Variants in POU2F2 observed in about 807,000 individuals in gnomAD.
POU2F2 encodes the protein POU domain, class 2, transcription factor 2.
In POU2F2, 14 loss-of-function variants were observed where a neutral mutation model predicts 63.5. The observed-to-expected ratio is 0.22, with a 90% CI of 0.15 to 0.34. The LOEUF (loss-of-function observed/expected upper bound fraction) is 0.34. Among genes scored for constraint, POU2F2 ranks in the 10% least tolerant of loss-of-function variants. The probability of loss-of-function intolerance (pLI) is 1.00; values close to 1 mark genes in which losing one functional copy is unlikely to be tolerated. For synonymous variants in POU2F2, 306 were observed against 348.6 expected, an observed-to-expected ratio of 0.88 and a Z score of 1.36; for missense variants, 607 against 815.2, an observed-to-expected ratio of 0.74 and a Z score of 3.11.
rs748380757 is a variant in POU2F2 at position 42,095,336 on chromosome 19, C to A, written c.1147G>T (p.Ala383Ser). 6 of 1,613,980 alleles carry A rather than the reference C, an allele frequency of 3.7e-6. No individual in the cohort carries two copies. In the South Asian group the frequency reaches 5.5e-5, roughly 15 times the overall value. The change falls in exon 11 of 15, where the codon GCC becomes TCC. Residue 383 changes from alanine to serine, a missense_variant. By Grantham distance (99) the Ala-to-Ser change is moderately conservative. Around this residue, in one of 7 missense-constraint regions of POU2F2, gnomAD observed 12 missense variants for 18.4 expected, o/e 0.65. Coordinates refer to ENST00000692977, the MANE Select transcript of POU2F2 (RefSeq NM_001394376.1). This position sits in a 1 kb window ranked among gnomAD's most constrained non-coding sequence, Gnocchi z 7.1. ...TTCCCTGGGCTGGGCAGCATGGGGG[C>A]CGCACTGCAGGGGTTGATGCGTTTC... ...KEKRINPCSAAPMLPSPGKPA... is the reference protein window; with the variant it reads ...KEKRINPCSASPMLPSPGKPA...
chr19:42,186,295 A>G (rs1194948083), intron 1 of POU2F2, among the ~76,000 whole-genome samples: 1 of 152,142 alleles, frequency 6.6e-6, no homozygotes. Context: ...ACGGCACTCC[A>G]GCCAGGCTAC....
intron 7 of POU2F2, among the ~76,000 whole-genome samples, chr19:42,098,492 C>T (rs1461366851): frequency 6.6e-6 from 1 of 152,004 alleles, no homozygotes; most frequent in African/African-American, 2.4e-5. Flanking sequence ...CCCCCACCCC[C>T]ACTAGGGTCA....
intron 2 of POU2F2, among the ~76,000 whole-genome samples, chr19:42,141,503 A>C (rs2034126885): frequency 7.4e-6 from 1 of 134,592 alleles, no homozygotes; most frequent in Non-Finnish European, 1.6e-5. Flanking sequence ...TTTTTTGAGA[A>C]GGAGTCTTGC....
chr19:42,134,487 G>C (rs1368833259), upstream of POU2F2: 1 of 152,464 alleles, frequency 6.6e-6, no homozygotes, highest in Admixed American at 6.5e-5. Flanking sequence ...GCTGGGCCTG[G>C]TGAGGGGATC....
At chr19:42,158,084 C>G (rs2034490281) in intron 2 of POU2F2, among the ~76,000 whole-genome samples, 1 of 152,184 alleles carries the variant, frequency 6.6e-6, no homozygotes, top group South Asian at 2.1e-4. Context: ...TGTTTCGTAA[C>G]AAAACTATAC....
At chr19:42,150,832 G>A (rs567930427) in intron 2 of POU2F2, among the ~76,000 whole-genome samples, 1 of 151,850 alleles carries the variant, frequency 6.6e-6, no homozygotes, top group Admixed American at 6.5e-5. Flanking sequence ...CATCTGCCTG[G>A]GCCAGGCCCC....
At chr19:42,185,058 C>T (rs1463342392) in intron 1 of POU2F2, among the ~76,000 whole-genome samples, 1 of 152,162 alleles carries the variant, frequency 6.6e-6, no homozygotes, top group East Asian at 1.9e-4. Flanking sequence ...TGACACCTTC[C>T]TCTTCCTCAT....
upstream of POU2F2, among the ~76,000 whole-genome samples, chr19:42,197,611 C>T (rs1028095277): frequency 1.3e-5 from 2 of 152,092 alleles, no homozygotes; most frequent in South Asian, 2.1e-4. Context: ...GTAAGAGAAA[C>T]GAGTTCCTGA....
intron 1 of POU2F2, among the ~76,000 whole-genome samples, chr19:42,195,088 AG>A (rs1318265219): frequency 0.022 from 101 of 4,616 alleles, no homozygotes; most frequent in African/African-American, 0.05. Context: ...GGAGGGAGGA[AG>A]GGAGGAAGGA....
chr19:42,093,955 T>C, intron 11 of POU2F2, 60 bp from the exon 12 acceptor site: 1 of 1,469,954 alleles, frequency 6.8e-7, no homozygotes, highest in Non-Finnish European at 9.5e-7. Context: ...CCCGTGATGC[T>C]CCCTGTAGGA....
In POU2F2 at chr19:42,087,336, A is replaced by G. The variant is rs1262533019; in HGVS notation, c.*3921T>C. 6.6e-6 allele frequency: 1 copy of G among 151,984 alleles called. No individual in the cohort carries two copies. Among genetic ancestry groups the G allele is most frequent in the African/African-American group, 2.4e-5 (1 of 41,346 alleles). 9.4% of individuals were successfully genotyped at this position (151,984 alleles called of 1,614,324 possible). On this transcript the variant is annotated 3_prime_UTR_variant, in exon 15 of 15. Coordinates refer to ENST00000692977, the MANE Select transcript of POU2F2 (RefSeq NM_001394376.1). ...GGAAGAGAGAGGCACCCTGGTGTTC[A>G]TGTGGGTTAGAAAAACTAGTCAGGT...
In POU2F2 at chr19:42,117,509, ATGAGGG is replaced by A. The variant is rs2032078519; in HGVS notation, c.187-83_187-78del. On this transcript the variant is annotated intron_variant, in intron 4 of 14. Transcript: ENST00000692977. This position sits in a 1 kb window ranked among gnomAD's most constrained non-coding sequence, Gnocchi z 4.4. The stretch of plus-strand genomic sequence containing the variant: ...AGGAGGAGCAGACTGGGGTGTGGAC[ATGAGGG>A]TGCAGTCTGTGGTCCTGCACTGACC... 8.8e-6 allele frequency: 6 copies of A among 678,096 alleles called. No individual in the cohort carries two copies. The highest frequency in any genetic ancestry group is 1.5e-5 in the Non-Finnish European group (6 of 392,528). The allele number at this position is 678,096 out of a possible 1,614,324, so 42.0% of individuals were successfully genotyped here. A position where few individuals can be genotyped will look rare whatever the true frequency, so the allele number is the denominator to read the frequency against.
At position 42,091,500 on chromosome 19, in the gene POU2F2, A is replaced by G. The variant is rs1192636560; in HGVS notation, c.1632T>C (p.Pro544=). The change falls in exon 15 of 15, where the codon CCT becomes CCC. Residue 544 remains proline (P), a synonymous_variant. Coordinates refer to ENST00000692977, the MANE Select transcript of POU2F2 (RefSeq NM_001394376.1). ...AGAAGAGCGGCGAGGTCACCAGGCC[A>G]GGGCTCCCCGGGGCTGCACCGGCTG... ...LGAAGAAPGS[P]GLVTSPLFLN... is the part of the protein sequence containing the mutation. 2.6e-6 allele frequency: 4 copies of G among 1,548,768 alleles called. No homozygotes were observed. The highest frequency in any genetic ancestry group is 2.6e-6 in the Non-Finnish European group (3 of 1,145,190).
At chr19:42,160,522 G>A (rs2034533188) in intron 1 of POU2F2, 1 of 152,188 alleles carries the variant, frequency 6.6e-6, no homozygotes, top group Non-Finnish European at 1.5e-5. Flanking sequence ...TAACTGTGGA[G>A]TCAGGTGCCT....
At chr19:42,145,636 T>C (rs1269520853) in intron 2 of POU2F2, among the ~76,000 whole-genome samples, 2 of 152,174 alleles carry the variant, frequency 1.3e-5, no homozygotes, top group African/African-American at 4.8e-5. Context: ...GGAGAGGGAA[T>C]CAAGAGTTCT....
chr19:42,175,635 A>G (rs2034859222), intron 1 of POU2F2, among the ~76,000 whole-genome samples: 2 of 152,136 alleles, frequency 1.3e-5, no homozygotes, highest in South Asian at 2.1e-4. Context: ...AAAAACAGTA[A>G]AGGAGATGGA....
chr19:42,109,689 G>A (rs1383216222), intron 5 of POU2F2, among the ~76,000 whole-genome samples: 1 of 152,142 alleles, frequency 6.6e-6, no homozygotes, highest in Non-Finnish European at 1.5e-5. Flanking sequence ...TACCCAAGCT[G>A]GAGTGCAGTG....
chr19:42,101,302 C>T (rs1389402127), intron 5 of POU2F2, among the ~76,000 whole-genome samples: 2 of 151,734 alleles, frequency 1.3e-5, no homozygotes, highest in South Asian at 2.1e-4. Context: ...GAATCCTAAC[C>T]CCCAGAACCT....
chr19:42,106,257 A>ACCATGC (rs1195468259), intron 5 of POU2F2, among the ~76,000 whole-genome samples: 1 of 151,720 alleles, frequency 6.6e-6, no homozygotes, highest in Non-Finnish European at 1.5e-5. Flanking sequence ...AGGTGCACCC[A>ACCATGC]CCATGCCCAT....
Sources: allele counts gnomAD v4.1 joint callset (sites outside exome capture counted in the v4.1 genomes callset), GRCh38; gene constraint gnomAD v4.1.1; regional missense constraint gnomAD v4.1.1; non-coding constraint Gnocchi (gnomAD v3.1); transcripts MANE v1.5; gene names NCBI Gene and HGNC (gene_info 2026-07-23, HGNC 2026-07-21).